BACH2: variants seen among roughly 807,000 people sequenced by gnomAD.
BACH2 encodes the protein transcription regulator protein BACH2.
BACH2 carries 5 observed loss-of-function variants against 61.8 expected under a neutral mutation model. That is an observed-to-expected ratio of 0.08 (90% CI 0.04 to 0.17). The LOEUF is 0.17. BACH2 is among the 10% of genes least tolerant of loss of function. The probability of loss-of-function intolerance (pLI) is 1.00; values close to 1 mark genes in which losing one functional copy is unlikely to be tolerated. For missense variants in BACH2, 824 were observed against 1,091.1 expected (o/e 0.76, Z 3.45); for synonymous variants, 446 against 440.1 (o/e 1.01, Z -0.17).
chr6:90,115,722 A>C (rs1582381185), intron 4 of BACH2, among the ~76,000 whole-genome samples: 2 of 152,218 alleles, frequency 1.3e-5, no homozygotes, highest in Non-Finnish European at 2.9e-5. Context: ...TTATCAATAG[A>C]GTAAACAGAT....
At chr6:89,992,132 T>C (rs1006869714) in intron 6 of BACH2, among the ~76,000 whole-genome samples, 2 of 152,228 alleles carry the variant, frequency 1.3e-5, no homozygotes, top group Non-Finnish European at 2.9e-5. Context: ...TTTCTATAGG[T>C]AATCTTTTCC....
intron 3 of BACH2, among the ~76,000 whole-genome samples, chr6:90,215,704 CT>C (rs919202354): frequency 1.2e-3 from 178 of 152,246 alleles, no homozygotes; most frequent in African/African-American, 4.0e-3. Context: ...CCAATTCTAG[CT>C]GTCATTTAGG....
intron 5 of BACH2, among the ~76,000 whole-genome samples, chr6:90,031,103 C>T (rs983047333): frequency 1.2e-4 from 18 of 151,856 alleles, no homozygotes; most frequent in African/African-American, 4.4e-4. Context: ...ATGACAAAAA[C>T]CACATGATTA....
chr6:90,260,655 A>C lies in BACH2; in HGVS notation c.-352-8065T>G, dbSNP rs1771127711. On this transcript the variant is annotated intron_variant, in intron 2 of 8. Transcript: ENST00000257749. Reference sequence around the variant, plus strand: ...TGAACTGAGAAGTTATTTTTACAGCAGCTAGCATTACCTTAATAATATACA... The same window carrying C: ...TGAACTGAGAAGTTATTTTTACAGCCGCTAGCATTACCTTAATAATATACA... Among the ~76,000 whole-genome samples, 3 of 152,358 alleles carry C rather than the reference A, an allele frequency of 2.0e-5. No individual in the cohort carries two copies. In the South Asian group the frequency reaches 6.2e-4, roughly 32 times the overall value.
chr6:90,158,554 C>T (rs1021928318), intron 4 of BACH2, among the ~76,000 whole-genome samples: 1 of 151,952 alleles, frequency 6.6e-6, no homozygotes, highest in African/African-American at 2.4e-5. Context: ...TCAGGAAGAG[C>T]GTGGCTTTGA....
chr6:89,981,599 AACTG>A (rs1775962850), intron 6 of BACH2, among the ~76,000 whole-genome samples: 1 of 152,194 alleles, frequency 6.6e-6, no homozygotes. Flanking sequence ...AGCATATTAA[AACTG>A]AGAAAAAAAT....
intron 8 of BACH2, among the ~76,000 whole-genome samples, chr6:89,936,440 C>T (rs1773028273): frequency 1.3e-5 from 2 of 152,126 alleles, no homozygotes; most frequent in African/African-American, 2.4e-5. Flanking sequence ...TGGTGCCCAG[C>T]CATGACCTGA....
intron 5 of BACH2, among the ~76,000 whole-genome samples, chr6:90,036,379 C>A (rs767678949): frequency 6.6e-6 from 1 of 152,076 alleles, no homozygotes; most frequent in Non-Finnish European, 1.5e-5. Context: ...AGCAGACATT[C>A]AAGCTTGTAA....
chr6:90,120,571 GC>G (rs1385412648), intron 4 of BACH2, among the ~76,000 whole-genome samples: 1 of 152,108 alleles, frequency 6.6e-6, no homozygotes, highest in Non-Finnish European at 1.5e-5. Flanking sequence ...ATCTTAATTT[GC>G]CAAAGTGGGT....
At chr6:90,113,125 A>G (rs1276016967) in intron 4 of BACH2, among the ~76,000 whole-genome samples, 2 of 152,190 alleles carry the variant, frequency 1.3e-5, no homozygotes, top group African/African-American at 4.8e-5. Context: ...GAGACCTACA[A>G]AGAGATACAG....
chr6:90,056,371 A>C (rs1780352026), intron 5 of BACH2, among the ~76,000 whole-genome samples: 1 of 152,210 alleles, frequency 6.6e-6, no homozygotes, highest in African/African-American at 2.4e-5. Flanking sequence ...AAAAGAGACA[A>C]AGAAGGCCAT....
chr6:89,951,174 C>T lies in BACH2; in HGVS notation c.932G>A (p.Arg311Gln), dbSNP rs199896159. The T allele has an allele frequency of 1.7e-5, 27 of 1,613,620 alleles. No individual in the cohort carries two copies. The highest frequency in any genetic ancestry group is 3.3e-4 in the Middle Eastern group (2 of 6,060). The change falls in exon 7 of 9, where the codon CGG becomes CAG. Residue 311 changes from arginine to glutamine, a missense_variant. Around this residue, in one of 8 missense-constraint regions of BACH2, gnomAD observed 226 missense variants for 228.5 expected, o/e 0.99. Coordinates refer to ENST00000257749, the MANE Select transcript of BACH2 (RefSeq NM_021813.4). The surrounding 1 kb of genome is among the most constrained non-coding windows in gnomAD (Gnocchi z 6.4). ...GGTAGGGGCAGGGCTGGGCTGTTTC[C>T]GGTCCATCTCGACATCCCCCGCTCT... ...KDRAGDVEMD[R>Q]KQPSPAPTPT...
chr6:90,172,896 A>G (rs2127837932), intron 4 of BACH2, among the ~76,000 whole-genome samples: 1 of 152,226 alleles, frequency 6.6e-6, no homozygotes, highest in East Asian at 1.9e-4. Flanking sequence ...AAAATAATAT[A>G]AAACTATAAA....
chr6:90,274,005 A>C (rs1370357981), intron 1 of BACH2, among the ~76,000 whole-genome samples: 7 of 152,248 alleles, frequency 4.6e-5, no homozygotes, highest in African/African-American at 1.7e-4. Context: ...TAAACCTCCA[A>C]GGGTAGCTCA....
At chr6:90,188,761 A>G (rs796757766) in intron 4 of BACH2, among the ~76,000 whole-genome samples, 3 of 66,748 alleles carry the variant, frequency 4.5e-5, no homozygotes, top group African/African-American at 6.6e-5. Context: ...CCCCAAAATG[A>G]AAAAAAAAAA....
At chr6:90,200,126 A>C (rs1768908310) in intron 4 of BACH2, among the ~76,000 whole-genome samples, 2 of 152,236 alleles carry the variant, frequency 1.3e-5, no homozygotes, top group Admixed American at 6.5e-5. Flanking sequence ...TGCATGTCAC[A>C]GTCTCTTTAA....
At chr6:90,091,091 C>T (rs1006980134) in intron 4 of BACH2, among the ~76,000 whole-genome samples, 3 of 152,102 alleles carry the variant, frequency 2.0e-5, no homozygotes, top group Non-Finnish European at 2.9e-5. Flanking sequence ...CCTCCTTATT[C>T]CCCAATAAGT....
At chr6:90,168,521 T>C (rs1203492426) in intron 4 of BACH2, among the ~76,000 whole-genome samples, 3 of 152,250 alleles carry the variant, frequency 2.0e-5, no homozygotes, top group East Asian at 1.9e-4. Flanking sequence ...TTCAAAAATA[T>C]GTGTGGTTGT....
intron 4 of BACH2, among the ~76,000 whole-genome samples, chr6:90,181,342 T>C (rs990066743): frequency 2.6e-5 from 4 of 152,010 alleles, no homozygotes; most frequent in Non-Finnish European, 4.4e-5. Context: ...TGTGTGTGTG[T>C]GTGTGTGTGT....
Sources: gnomAD v4.1 joint callset for allele counts (sites outside exome capture counted in the v4.1 genomes callset) on GRCh38, gnomAD v4.1.1 for gene constraint, gnomAD v4.1.1 regional missense constraint, Gnocchi (gnomAD v3.1) non-coding constraint, MANE v1.5 for transcripts, NCBI Gene and HGNC (gene_info 2026-07-23, HGNC 2026-07-21) for gene names.